ACADSB: variants seen among roughly 807,000 people sequenced by gnomAD.
The protein encoded by ACADSB is short/branched chain specific acyl-CoA dehydrogenase, mitochondrial.
Under a neutral mutation model 54.1 loss-of-function variants are expected in ACADSB, and 40 were observed. That is an observed-to-expected ratio of 0.74 (90% CI 0.57 to 0.96). The LOEUF is 0.96. Ranked by LOEUF, ACADSB falls within the 40% of genes least tolerant of loss-of-function variation. The pLI, the probability that ACADSB is intolerant of heterozygous loss-of-function variation, is 0.00. For synonymous variants in ACADSB, 182 were observed against 182.8 expected (o/e 1.00, Z 0.03); for missense variants, 530 against 510.4 (o/e 1.04, Z -0.37).
intron 6 of ACADSB, among the ~76,000 whole-genome samples, chr10:123,043,784 T>C (rs1203804014): frequency 2.0e-5 from 3 of 152,216 alleles, no homozygotes; most frequent in Non-Finnish European, 4.4e-5. Context: ...TTCCCATTTC[T>C]TTCTCCATTC....
Position 123,043,207 on chromosome 10 carries a change from C to G in ACADSB, c.807+36C>G, listed in dbSNP as rs765541724. 8 of 1,610,080 alleles carry G rather than the reference C, an allele frequency of 5.0e-6. No individual in the cohort carries two copies. The East Asian group carries it at 8.9e-5, about 18-fold the overall frequency. ...TAGACTAATCAGTAAAAGACTGATG[C>G]GAAATAAGCCTTGCATGGAACCACA... On this transcript the variant is annotated intron_variant, in intron 6 of 10. Coordinates refer to ENST00000358776, the MANE Select transcript of ACADSB (RefSeq NM_001609.4).
intron 1 of ACADSB, among the ~76,000 whole-genome samples, chr10:123,024,014 C>A (rs1850216533): frequency 6.6e-6 from 1 of 152,220 alleles, no homozygotes; most frequent in South Asian, 2.1e-4. Context: ...CTTAGGTGGG[C>A]ACCAATCCCA....
chr10:123,050,577 T>C (rs1283338513), intron 8 of ACADSB, among the ~76,000 whole-genome samples: 1 of 152,224 alleles, frequency 6.6e-6, no homozygotes, highest in East Asian at 1.9e-4. Context: ...TGGTAGTAAT[T>C]GGTGCTTCAA....
At chr10:123,012,418 G>A (rs552031997) in intron 1 of ACADSB, among the ~76,000 whole-genome samples, 1 of 152,316 alleles carries the variant, frequency 6.6e-6, no homozygotes, top group South Asian at 2.1e-4. Flanking sequence ...AATGGGAAGT[G>A]TTTGGGTCAT....
chr10:123,026,346 A>C (rs12257307), intron 1 of ACADSB, among the ~76,000 whole-genome samples: 69,249 of 152,048 alleles, frequency 0.46, 17,773 homozygotes, highest in Non-Finnish European at 0.59. Context: ...TAATCTGTCT[A>C]TAGTTAGTTC....
At chr10:123,053,255 G>A (rs1056163892) in intron 10 of ACADSB, 95 bp downstream of exon 10, 311 of 1,039,816 alleles carry the variant, frequency 3.0e-4, no homozygotes, top group Non-Finnish European at 5.6e-5. Flanking sequence ...CTAGGTAAAA[G>A]CAATTTTAAT....
intron 1 of ACADSB, among the ~76,000 whole-genome samples, chr10:123,019,862 C>G (rs1167302751): frequency 2.0e-5 from 3 of 152,208 alleles, no homozygotes. Context: ...TACCCCTAAC[C>G]TCCTGTCCTG....
At chr10:123,040,061 G>A (rs893055331) in intron 3 of ACADSB, among the ~76,000 whole-genome samples, 1 of 151,696 alleles carries the variant, frequency 6.6e-6, no homozygotes, top group African/African-American at 2.4e-5. Flanking sequence ...GAATAATTAT[G>A]GTGGCTGGGT....
In ACADSB at chr10:123,034,455, G is replaced by A. The variant is rs754877043; in HGVS notation, c.142G>A (p.Gly48Arg). 3 of 1,612,810 alleles carry A rather than the reference G, an allele frequency of 1.9e-6. No individual in the cohort carries two copies. Among genetic ancestry groups the A allele is most frequent in the African/African-American group, 1.3e-5 (1 of 74,884 alleles). Residue 48 changes from glycine to arginine, a missense_variant, in exon 2 of 11, where the codon GGA (glycine) becomes AGA (arginine). By Grantham distance (125) the Gly-to-Arg change is moderately radical. Coordinates refer to ENST00000358776, the MANE Select transcript of ACADSB (RefSeq NM_001609.4). ...SEALLNITNN[G>R]IHFAPLQTFT... ...AGCTCTACTCAATATAACAAATAAT[G>A]GAATACACTTTGCTCCCCTGCAAAC...
chr10:123,040,784 G>T (rs564501341), intron 4 of ACADSB, 112 bp downstream of exon 4: 3 of 991,260 alleles, frequency 3.0e-6, no homozygotes, highest in East Asian at 2.6e-5. Context: ...CCACAATGCG[G>T]TATCATTAAT....
intron 3 of ACADSB, among the ~76,000 whole-genome samples, chr10:123,038,947 T>C (rs1850435463): frequency 6.6e-6 from 1 of 152,122 alleles, no homozygotes; most frequent in African/African-American, 2.4e-5. Flanking sequence ...TTTCACAGTG[T>C]GAGATCTCCC....
chr10:123,039,526 C>T (rs1420296625), intron 3 of ACADSB, among the ~76,000 whole-genome samples: 1 of 152,184 alleles, frequency 6.6e-6, no homozygotes, highest in Non-Finnish European at 1.5e-5. Flanking sequence ...GTTTACCAGG[C>T]CCTCGTGCTT....
rs560653205 is a variant in ACADSB at position 123,011,349 on chromosome 10, A to C, written c.42+2278A>C. ...GCAATAACCAGTGTTCCCAAGTCAC[A>C]TAACAATCAGATTGCAATGCTGACC... On this transcript the variant is annotated intron_variant, in intron 1 of 10. Coordinates refer to ENST00000358776, the MANE Select transcript of ACADSB (RefSeq NM_001609.4). Among the ~76,000 whole-genome samples the C allele has an allele frequency of 3.3e-4, 50 of 152,282 alleles. No homozygotes were observed. In the South Asian group the frequency reaches 0.01, roughly 31 times the overall value.
chr10:123,016,326 T>G (rs1850108775), intron 1 of ACADSB, among the ~76,000 whole-genome samples: 2 of 152,128 alleles, frequency 1.3e-5, no homozygotes, highest in Non-Finnish European at 2.9e-5. Flanking sequence ...TATAGACAAA[T>G]GAAGGGAAGT....
At chr10:123,018,526 G>A (rs968017629) in intron 1 of ACADSB, among the ~76,000 whole-genome samples, 1 of 152,122 alleles carries the variant, frequency 6.6e-6, no homozygotes, top group Admixed American at 6.5e-5. Flanking sequence ...TATTATTTAT[G>A]GAGAAAGCAA....
chr10:123,041,524 A>G, intron 5 of ACADSB, 145 bp downstream of exon 5: 1 of 799,988 alleles, frequency 1.3e-6, no homozygotes, highest in East Asian at 2.6e-5. Flanking sequence ...TTGAGCTGGC[A>G]TTTTTTCACT....
intron 5 of ACADSB, 92 bp downstream of exon 5, chr10:123,041,471 C>T: frequency 7.5e-7 from 1 of 1,338,546 alleles, no homozygotes; most frequent in Non-Finnish European, 1.1e-6. Context: ...TTTAGGACTT[C>T]ATCTTGAACT....
intron 2 of ACADSB, among the ~76,000 whole-genome samples, chr10:123,034,947 C>CT (rs138763749): frequency 2.8e-3 from 415 of 149,594 alleles, no homozygotes; most frequent in African/African-American, 9.6e-3. Context: ...TTCTTTCTTT[C>CT]TTTTTTTTCT....
Position 123,053,682 on chromosome 10 carries a change from C to T in ACADSB, c.1229-13C>T. On this transcript the variant is annotated splice_polypyrimidine_tract_variant and intron_variant, in intron 10 of 10. Coordinates refer to ENST00000358776, the MANE Select transcript of ACADSB (RefSeq NM_001609.4). ...CAACTCCTCATTGTTCCTTCTGCTT[C>T]CTTTTGCTTAAGGTACGATATATGA... 2 of 1,609,940 alleles carry T rather than the reference C, an allele frequency of 1.2e-6. No individual in the cohort carries two copies. Among genetic ancestry groups the T allele is most frequent in the Non-Finnish European group, 8.5e-7 (1 of 1,176,178 alleles).
Sources: gnomAD v4.1 joint callset for allele counts (sites outside exome capture counted in the v4.1 genomes callset) on GRCh38, gnomAD v4.1.1 for gene constraint, MANE v1.5 for transcripts, NCBI Gene and HGNC (gene_info 2026-07-23, HGNC 2026-07-21) for gene names.